ANO7: variants seen among roughly 807,000 people sequenced by gnomAD.
The protein encoded by ANO7 is anoctamin 7, also known as anoctamin-7.
Under a neutral mutation model 115.8 loss-of-function variants are expected in ANO7, and 114 were observed. The ratio of observed to expected loss-of-function variants is 0.98; its 90% CI spans 0.85 to 1.15. The LOEUF (loss-of-function observed/expected upper bound fraction) is 1.15. Ranked by LOEUF, ANO7 falls within the 50% of genes most tolerant of loss-of-function variation. ANO7 has a pLI of 0.00. For missense variants in ANO7, 1,302 were observed against 1,201.2 expected, an observed-to-expected ratio of 1.08 and a Z score of -1.24; for synonymous variants, 550 against 498.2, an observed-to-expected ratio of 1.10 and a Z score of -1.38.
intron 1 of ANO7, among the ~76,000 whole-genome samples, chr2:241,189,501 C>T (rs374734738): frequency 1.3e-5 from 2 of 152,152 alleles, no homozygotes; most frequent in Admixed American, 6.5e-5. Context: ...GAGAGACCCC[C>T]GGGGCGAAGG....
downstream of ANO7, chr2:241,230,859 T>C (rs2069660604): frequency 1.2e-6 from 2 of 1,614,110 alleles, no homozygotes; most frequent in Admixed American, 1.7e-5. This position sits in a 1 kb window ranked among gnomAD's most constrained non-coding sequence, Gnocchi z 5.0. Context: ...AACCATCTGC[T>C]CAAGTTCACC....
intron 10 of ANO7, among the ~76,000 whole-genome samples, chr2:241,206,714 A>G (rs1159094764): frequency 6.2e-5 from 2 of 32,342 alleles, no homozygotes; most frequent in Non-Finnish European, 1.1e-4. Context: ...ACACAGGTGG[A>G]CAGGAGTGCT....
the ANO7 span, chr2:241,234,084 C>T: frequency 8.1e-6 from 9 of 1,114,392 alleles, no homozygotes; most frequent in East Asian, 2.4e-5. Context: ...ACCCGTGGTC[C>T]GGAATGGTCC....
rs528195543 is a variant in ANO7 at position 241,225,944 on chromosome 2, T to C, written c.*1791T>C. Among the ~76,000 whole-genome samples the C allele has an allele frequency of 6.6e-6, 1 of 152,290 alleles. No individual in the cohort carries two copies. Among genetic ancestry groups the C allele is most frequent in the African/African-American group, 2.4e-5 (1 of 41,560 alleles). ...CCCACGTGTACTTCCTTCCAGCTGGTTGCTTTTTATTGTTGCTGTCTTAAA... is the reference window on the plus strand; with the variant it reads ...CCCACGTGTACTTCCTTCCAGCTGGCTGCTTTTTATTGTTGCTGTCTTAAA... On this transcript the variant is annotated 3_prime_UTR_variant, in exon 25 of 25. Transcript: ENST00000674324.
At chr2:241,216,263 C>T (rs2068826663) in intron 19 of ANO7, 25 bp downstream of exon 19, 1 of 1,550,606 alleles carries the variant, frequency 6.4e-7, no homozygotes, top group Non-Finnish European at 8.7e-7. Flanking sequence ...GCAGCTGCGG[C>T]AATGGCTGGC....
chr2:241,197,315 G>C (rs1363458454), intron 4 of ANO7, among the ~76,000 whole-genome samples: 2 of 152,166 alleles, frequency 1.3e-5, no homozygotes, highest in Admixed American at 6.5e-5. Context: ...GCCCAGGCTG[G>C]TCTTGAACTC....
intron 4 of ANO7, among the ~76,000 whole-genome samples, chr2:241,196,845 G>A: frequency 1.1e-4 from 1 of 8,822 alleles, no homozygotes; most frequent in East Asian, 1.3e-3. Flanking sequence ...ATTCGTGTGT[G>A]TGTGTGTGTG....
rs183478490 is a variant in ANO7 at position 241,214,013 on chromosome 2, G to A, written c.1729-792G>A. On this transcript the variant is annotated intron_variant, in intron 17 of 24. Coordinates refer to ENST00000674324, the MANE Select transcript of ANO7 (RefSeq NM_001370694.2). ...CGAAAAAGGGAGTTTTCGGCCAGGC[G>A]TGGTGGCTCATGCCTGTAATCCCAG... is the stretch of plus-strand genomic sequence containing the variant. 7.2e-5 allele frequency among the ~76,000 whole-genome samples: 11 copies of A among 152,360 alleles called. 1 individual carries two copies. The East Asian group carries it at 1.2e-3, about 16-fold the overall frequency.
Position 241,200,106 on chromosome 2 carries a change from C to G in ANO7, c.435C>G (p.Ala145=). The G allele has an allele frequency of 6.2e-7, 1 of 1,612,864 alleles. No homozygotes were observed. The highest frequency in any genetic ancestry group is 8.5e-7 in the Non-Finnish European group (1 of 1,179,988). Residue 145 remains alanine, a synonymous_variant, in exon 6 of 25, where the codon GCC becomes GCG. Transcript: ENST00000674324. ...CCTTCCAGGAGTTACCCAACCAGGC[C>G]TCCAACTGGTCGGCCGGCCTGCTGG... is the stretch of plus-strand genomic sequence containing the variant. ...KLPLQELPNQ[A]SNWSAGLLAW... is the part of the protein sequence containing the mutation.
chr2:241,236,676 C>T, the ANO7 span: 5 of 1,614,054 alleles, frequency 3.1e-6, no homozygotes, highest in South Asian at 1.1e-5. Context: ...GATGATGTCA[C>T]ACCTCCTTGG....
chr2:241,227,764 A>G (rs2069268997), downstream of ANO7: 1 of 152,516 alleles, frequency 6.6e-6, no homozygotes, highest in Admixed American at 6.5e-5. Flanking sequence ...GCTGGAAGCA[A>G]GCAGCCAACA....
At chr2:241,238,925 C>G in the ANO7 span, 1 of 633,768 alleles carries the variant, frequency 1.6e-6, no homozygotes, top group Non-Finnish European at 2.5e-6. This position sits in a 1 kb window ranked among gnomAD's most constrained non-coding sequence, Gnocchi z 4.9. Flanking sequence ...CTCCCGAGTC[C>G]AGGGCTCCAG....
intron 21 of ANO7, among the ~76,000 whole-genome samples, chr2:241,219,384 A>G (rs2068953847): frequency 6.6e-6 from 1 of 152,204 alleles, no homozygotes; most frequent in Non-Finnish European, 1.5e-5. Flanking sequence ...TGATCTCTTC[A>G]TAATGGATAC....
rs1019617430 is a variant in ANO7, at chr2:241,190,012, A to C, written c.-7-45A>C. On this transcript the variant is annotated intron_variant, in intron 1 of 24. Coordinates refer to ENST00000674324, the MANE Select transcript of ANO7 (RefSeq NM_001370694.2). ...GTGGCCCCAGGAACGGGTCTCACCC[A>C]TCCCCTCTCTGACCCCCATCCCCAC... The C allele has an allele frequency of 1.0e-5, 15 of 1,480,042 alleles. No homozygotes were observed. In the African/African-American group the frequency reaches 1.8e-4, roughly 18 times the overall value. 91.7% of individuals were successfully genotyped at this position (1,480,042 alleles called of 1,614,324 possible). A position where few individuals can be genotyped will look rare whatever the true frequency, so the allele number is the denominator to read the frequency against.
intron 3 of ANO7, among the ~76,000 whole-genome samples, chr2:241,194,179 A>ATTTTTTTTT (rs59855055): frequency 3.2e-5 from 4 of 124,004 alleles, no homozygotes; most frequent in Non-Finnish European, 3.5e-5. Context: ...CTGGCCTTTA[A>ATTTTTTTTT]TTTTTTTTTT....
intron 3 of ANO7, 122 bp from the exon 4 acceptor site, chr2:241,195,581 C>T (rs978289922): frequency 3.6e-5 from 33 of 911,656 alleles, no homozygotes; most frequent in Non-Finnish European, 4.7e-5. Flanking sequence ...GGGAAGGAAC[C>T]GGCCCTGAGT....
In ANO7 at chr2:241,217,938, CG is replaced by C. The variant is rs748712372; in HGVS notation, c.2178+52del. On this transcript the variant is annotated intron_variant, in intron 20 of 24. Coordinates refer to ENST00000674324, the MANE Select transcript of ANO7 (RefSeq NM_001370694.2). ...GGGGCGGGGCGGGGGCGCGCAGGGG[CG>C]GGGGCGGGGGGGGCAGCGGGGGCGC... 80,913 of 82,718 alleles carry C rather than the reference CG, an allele frequency of 0.98. 39,972 individuals carry two copies. Among genetic ancestry groups the C allele is most frequent in the Middle Eastern group, 1 (116 of 116 alleles). 5.1% of individuals were successfully genotyped at this position (82,718 alleles called of 1,614,324 possible).
the ANO7 span, among the ~76,000 whole-genome samples, chr2:241,237,229 G>A: frequency 2.0e-5 from 3 of 152,174 alleles, no homozygotes; most frequent in African/African-American, 7.2e-5. Context: ...GGGAAGGGGG[G>A]TGAGAGGTCT....
intron 11 of ANO7, among the ~76,000 whole-genome samples, chr2:241,208,585 C>T (rs2068641183): frequency 6.6e-6 from 1 of 152,216 alleles, no homozygotes; most frequent in Non-Finnish European, 1.5e-5. Flanking sequence ...TCCCAACGAA[C>T]ATATCTTTTG....
Sources: gnomAD v4.1 joint callset for allele counts (sites outside exome capture counted in the v4.1 genomes callset) on GRCh38, gnomAD v4.1.1 for gene constraint, Gnocchi (gnomAD v3.1) non-coding constraint, MANE v1.5 for transcripts, NCBI Gene and HGNC (gene_info 2026-07-23, HGNC 2026-07-21) for gene names.